ADGRD1: variants seen among roughly 807,000 people sequenced by gnomAD.
ADGRD1 encodes the protein G-protein coupled receptor 133.
A neutral mutation model predicts 113.4 loss-of-function variants in ADGRD1; 77 were observed. The ratio of observed to expected loss-of-function variants is 0.68; its 90% CI spans 0.57 to 0.82. ADGRD1 has a LOEUF of 0.82. Among genes scored for constraint, ADGRD1 ranks in the 40% least tolerant of loss-of-function variants. ADGRD1 has a pLI of 0.00. For missense variants in ADGRD1, 1,036 were observed against 1,139.1 expected (o/e 0.91, Z 1.30); for synonymous variants, 474 against 475.0 (o/e 1.00, Z 0.03).
In ADGRD1 at chr12:131,057,674, C is replaced by T. The variant is rs895826120; in HGVS notation, c.1474-19127C>T. On this transcript the variant is annotated intron_variant, in intron 13 of 24. Coordinates refer to ENST00000261654, the MANE Select transcript of ADGRD1 (RefSeq NM_198827.5). This position sits in a 1 kb window ranked among gnomAD's most constrained non-coding sequence, Gnocchi z 4.2. ...CTCAGATGGGACTGAGGGCTCGTCC[C>T]CATCTAGCACAGTCTCATCTTCAAC... 6.6e-6 allele frequency among the ~76,000 whole-genome samples: 1 copy of T among 152,186 alleles called. No homozygotes were observed. The highest frequency in any genetic ancestry group is 1.5e-5 in the Non-Finnish European group (1 of 68,040).
chr12:131,064,685 A>G (rs1313050548), intron 13 of ADGRD1, among the ~76,000 whole-genome samples: 1 of 152,220 alleles, frequency 6.6e-6, no homozygotes, highest in Non-Finnish European at 1.5e-5. Context: ...GGAGGAAATG[A>G]CTCAATTGAG....
At chr12:131,020,175 G>C (rs3932401) in intron 13 of ADGRD1, among the ~76,000 whole-genome samples, 1 of 31,918 alleles carries the variant, frequency 3.1e-5, no homozygotes, top group Non-Finnish European at 8.2e-5. Flanking sequence ...GCAGGACCGC[G>C]AGCTCCATCC....
intron 23 of ADGRD1, 91 bp from the exon 24 acceptor site, chr12:131,138,046 C>G: frequency 1.0e-6 from 1 of 1,002,594 alleles, no homozygotes; most frequent in South Asian, 1.3e-5. Context: ...CCTCGCACAT[C>G]TGGTTCCGGA....
At chr12:131,123,753 C>T (rs548467071) in intron 20 of ADGRD1, among the ~76,000 whole-genome samples, 1 of 149,354 alleles carries the variant, frequency 6.7e-6, no homozygotes, top group South Asian at 2.2e-4. Flanking sequence ...ACCCGGGAGG[C>T]GGGTCTTGCA....
At chr12:130,997,411 GCGGC>G (rs1307538932) in intron 8 of ADGRD1, among the ~76,000 whole-genome samples, 2 of 114,850 alleles carry the variant, frequency 1.7e-5, no homozygotes, top group East Asian at 2.3e-4. Context: ...CTCAGACGGG[GCGGC>G]TGCCGGGCGG....
intron 12 of ADGRD1, among the ~76,000 whole-genome samples, chr12:131,007,093 T>C (rs1877220857): frequency 6.6e-6 from 1 of 152,158 alleles, no homozygotes; most frequent in Non-Finnish European, 1.5e-5. Flanking sequence ...GCGGCCACAG[T>C]GAGAACCTGC....
At chr12:131,094,054 A>G (rs1566103878) in intron 15 of ADGRD1, among the ~76,000 whole-genome samples, 5 of 147,268 alleles carry the variant, frequency 3.4e-5, no homozygotes, top group African/African-American at 1.3e-4. Flanking sequence ...CCCCAGCCTC[A>G]GCACCCAGCC....
rs553634390 is a variant in ADGRD1 at position 131,101,381 on chromosome 12, T to C, written c.1672-3450T>C. Among the ~76,000 whole-genome samples, 142 of 106,128 alleles carry C rather than the reference T, an allele frequency of 1.3e-3. 2 individuals are homozygous for C. Among genetic ancestry groups the C allele is most frequent in the African/African-American group, 3.5e-3 (83 of 23,462 alleles). The allele number at this position is 106,128 out of a possible 152,430, so 69.6% of individuals were successfully genotyped here. A position where few individuals can be genotyped will look rare whatever the true frequency, so the allele number is the denominator to read the frequency against. On this transcript the variant is annotated intron_variant, in intron 15 of 24. Coordinates refer to ENST00000261654, the MANE Select transcript of ADGRD1 (RefSeq NM_198827.5). ...TTTTTTTCTTTTTCTTTCTTTCTTTTTTTTTTTTTTTTTTTTTTTTTTTGA... is the reference window on the plus strand; with the variant it reads ...TTTTTTTCTTTTTCTTTCTTTCTTTCTTTTTTTTTTTTTTTTTTTTTTTGA...
rs939287636 is a variant in ADGRD1, at chr12:131,075,624, G to T, written c.1474-1177G>T. 3.3e-5 allele frequency among the ~76,000 whole-genome samples: 5 copies of T among 152,218 alleles called. No homozygotes were observed. On this transcript the variant is annotated intron_variant, in intron 13 of 24. Coordinates refer to ENST00000261654, the MANE Select transcript of ADGRD1 (RefSeq NM_198827.5). The surrounding 1 kb of genome is among the most constrained non-coding windows in gnomAD (Gnocchi z 5.3). ...AGGCTGGAGGAGCTGTCAGACAGAT[G>T]CTGCGATGATAGCCCTGTGAGTCCT... is the stretch of plus-strand genomic sequence containing the variant.
intron 13 of ADGRD1, among the ~76,000 whole-genome samples, chr12:131,033,348 G>A (rs555801798): frequency 6.6e-6 from 1 of 152,336 alleles, no homozygotes; most frequent in South Asian, 2.1e-4. Flanking sequence ...CTTCCATCAT[G>A]CACCCCACAA....
intron 15 of ADGRD1, among the ~76,000 whole-genome samples, chr12:131,088,512 C>T (rs905253350): frequency 1.3e-5 from 2 of 152,204 alleles, no homozygotes; most frequent in Non-Finnish European, 2.9e-5. Context: ...GATTTTACAT[C>T]TCAGGGTGGA....
At chr12:130,986,946 G>A in intron 5 of ADGRD1, 149 bp from the exon 6 acceptor site, 1 of 644,524 alleles carries the variant, frequency 1.6e-6, no homozygotes, top group Non-Finnish European at 2.7e-6. Flanking sequence ...GGAAAGTCAG[G>A]TCTGTGTTAT....
At chr12:130,979,732 G>T (rs1324815603) in intron 4 of ADGRD1, among the ~76,000 whole-genome samples, 1 of 151,968 alleles carries the variant, frequency 6.6e-6, no homozygotes, top group East Asian at 1.9e-4. Context: ...TCTTACCCAT[G>T]TGCCTGGGCC....
At chr12:131,118,732 T>G (rs112503029) in intron 19 of ADGRD1, among the ~76,000 whole-genome samples, 3 of 152,330 alleles carry the variant, frequency 2.0e-5, no homozygotes, top group Non-Finnish European at 4.4e-5. Context: ...TGGAAATGTT[T>G]CACCCACGTG....
chr12:131,118,414 CT>C lies in ADGRD1; in HGVS notation c.2072del (p.Leu691ArgfsTer27). 6.2e-7 allele frequency: 1 copy of C among 1,612,454 alleles called. No homozygotes were observed. Among genetic ancestry groups the C allele is most frequent in the Non-Finnish European group, 8.5e-7 (1 of 1,179,366 alleles). Reference sequence around the variant, plus strand: ...TCCTCTTCTGATCTGCATCATTTCACTGTCATTTGCCATGGACAGTTACGGA... The same window carrying C: ...TCCTCTTCTGATCTGCATCATTTCACGTCATTTGCCATGGACAGTTACGGA... ...GFPLLICIIS[L>X]SFAMDSYGTS... On this transcript the variant is annotated frameshift_variant, in exon 19 of 25. Coordinates refer to ENST00000261654, the MANE Select transcript of ADGRD1 (RefSeq NM_198827.5). LOFTEE classifies it high-confidence loss of function.
At chr12:131,036,339 A>C (rs1881380793) in intron 13 of ADGRD1, among the ~76,000 whole-genome samples, 3 of 151,182 alleles carry the variant, frequency 2.0e-5, no homozygotes, top group African/African-American at 7.3e-5. Flanking sequence ...GGTCTCACTC[A>C]CTGCCCCAGG....
intron 13 of ADGRD1, among the ~76,000 whole-genome samples, chr12:131,044,545 A>G (rs560290577): frequency 3.3e-5 from 5 of 152,266 alleles, no homozygotes; most frequent in Admixed American, 3.3e-4. Flanking sequence ...TAATTCTGTA[A>G]ACATAATTAC....
At chr12:131,114,298 AG>A (rs368436140) in intron 18 of ADGRD1, among the ~76,000 whole-genome samples, 13 of 152,336 alleles carry the variant, frequency 8.5e-5, no homozygotes, top group Non-Finnish European at 1.6e-4. Flanking sequence ...TTGAAAAATG[AG>A]GAGATCCGAC....
At chr12:131,090,866 C>G (rs552389754) in intron 15 of ADGRD1, among the ~76,000 whole-genome samples, 1 of 152,190 alleles carries the variant, frequency 6.6e-6, no homozygotes, top group Non-Finnish European at 1.5e-5. Flanking sequence ...AAGACATTGC[C>G]GCATTGCACT....
Sources: allele counts gnomAD v4.1 joint callset (sites outside exome capture counted in the v4.1 genomes callset), GRCh38; gene constraint gnomAD v4.1.1; non-coding constraint Gnocchi (gnomAD v3.1); transcripts MANE v1.5; gene names NCBI Gene and HGNC (gene_info 2026-07-23, HGNC 2026-07-21).